The following ZDHHC4 variants were observed in gnomAD, a reference collection of about 807,000 sequenced individuals.
ZDHHC4 encodes the protein palmitoyltransferase ZDHHC4.
In ZDHHC4, 42 loss-of-function variants were observed where a neutral mutation model predicts 36.7. That is an observed-to-expected ratio of 1.14 (90% CI 0.89 to 1.48). The LOEUF is 1.48. Ranked by LOEUF, ZDHHC4 falls within the 40% of genes most tolerant of loss-of-function variation. The probability of loss-of-function intolerance (pLI) is 0.00; values close to 1 mark genes in which losing one functional copy is unlikely to be tolerated. For synonymous variants in ZDHHC4, 189 were observed against 166.6 expected (o/e 1.13, Z -1.03); for missense variants, 457 against 421.5 (o/e 1.08, Z -0.74).
At chr7:6,580,709 T>G (rs988385773) in intron 3 of ZDHHC4, 31 bp downstream of exon 3, 2 of 1,594,642 alleles carry the variant, frequency 1.3e-6, no homozygotes, top group Non-Finnish European at 1.7e-6. Context: ...GCACTGGAAT[T>G]TGAATACTGT....
rs61178963 is a variant in ZDHHC4, at chr7:6,582,019, A to G, written c.192-54A>G. 3,025 of 1,563,576 alleles carry G rather than the reference A, an allele frequency of 1.9e-3. 55 individuals are homozygous for G. In the African/African-American group the frequency reaches 0.036, roughly 19 times the overall value. On this transcript the variant is annotated intron_variant, in intron 4 of 7. Transcript: ENST00000335965. ...CGTTGGTTACTTTCTTTAGTATCAT[A>G]CAATTTCTTCAAGAAGAAACCCCCA... is the stretch of plus-strand genomic sequence containing the variant.
intron 2 of ZDHHC4, among the ~76,000 whole-genome samples, chr7:6,580,005 C>T (rs1348040417): frequency 1.3e-5 from 2 of 151,978 alleles, no homozygotes; most frequent in Non-Finnish European, 2.9e-5. Flanking sequence ...GCATGGGGTG[C>T]GTGCCTATAA....
intron 2 of ZDHHC4, among the ~76,000 whole-genome samples, chr7:6,579,276 C>T (rs1459859165): frequency 1.3e-5 from 2 of 151,678 alleles, no homozygotes; most frequent in Non-Finnish European, 2.9e-5. Flanking sequence ...TCTCGGCTCA[C>T]TGCAACCTCC....
At chr7:6,582,864 T>C (rs995765590) in intron 5 of ZDHHC4, among the ~76,000 whole-genome samples, 2 of 152,106 alleles carry the variant, frequency 1.3e-5, no homozygotes, top group Non-Finnish European at 2.9e-5. Flanking sequence ...TATATCTCAA[T>C]AAAGCCATTA....
intron 5 of ZDHHC4, among the ~76,000 whole-genome samples, chr7:6,582,592 G>A (rs190079644): frequency 8.5e-5 from 13 of 152,168 alleles, no homozygotes; most frequent in Admixed American, 2.0e-4. Flanking sequence ...ATCTCAGCTC[G>A]CTGCAACCTC....
Position 6,585,113 on chromosome 7 carries a change from C to T in ZDHHC4, c.594C>T (p.Val198=). 1 of 1,614,190 alleles carries T rather than the reference C, an allele frequency of 6.2e-7. No individual in the cohort carries two copies. Among genetic ancestry groups the T allele is most frequent in the Non-Finnish European group, 8.5e-7 (1 of 1,180,044 alleles). ...ACATCAGGTACTTCCTCATCTACGTCTTGACCTTGACGGCCTCGGCTGCCA... is the reference window on the plus strand; with the variant it reads ...ACATCAGGTACTTCCTCATCTACGTTTTGACCTTGACGGCCTCGGCTGCCA... ...AWNIRYFLIY[V]LTLTASAATV... is the part of the protein sequence containing the mutation. The change falls in exon 7 of 8, where the codon GTC becomes GTT. Residue 198 remains valine (V), a synonymous_variant. Coordinates refer to ENST00000335965, the MANE Select transcript of ZDHHC4 (RefSeq NM_001134389.2).
At chr7:6,585,878 T>C (rs1451166597) in intron 7 of ZDHHC4, among the ~76,000 whole-genome samples, 16 of 151,988 alleles carry the variant, frequency 1.1e-4, no homozygotes. Context: ...GGGCCAGGCA[T>C]GGTGGCTCAC....
At chr7:6,585,942 G>A (rs1004627426) in intron 7 of ZDHHC4, among the ~76,000 whole-genome samples, 3 of 152,286 alleles carry the variant, frequency 2.0e-5, no homozygotes, top group Non-Finnish European at 4.4e-5. Context: ...CCTGAGGTCA[G>A]GAGTTCAAGA....
chr7:6,585,094 G>C lies in ZDHHC4; in HGVS notation c.575G>C (p.Arg192Thr), dbSNP rs141408179. 4.7e-4 allele frequency: 765 copies of C among 1,614,094 alleles called. No homozygotes were observed. Among genetic ancestry groups the C allele is most frequent in the Non-Finnish European group, 6.1e-4 (724 of 1,180,020 alleles). Residue 192 changes from arginine to threonine, a missense_variant, in exon 7 of 8, where the codon AGG becomes ACG. Physicochemically the swap from Arg to Thr is moderately conservative, Grantham distance 71. Transcript: ENST00000335965. ...AACTGCATCGGGGCCTGGAACATCA[G>C]GTACTTCCTCATCTACGTCTTGACC... ...VNNCIGAWNI[R>T]YFLIYVLTLT...
Position 6,582,060 on chromosome 7 carries a change from T to G in ZDHHC4, c.192-13T>G. ...GAAACCCCCATGAACAAGCCATGCC[T>G]GTTTTCTTTCAGAAACCACACCTTC... is the stretch of plus-strand genomic sequence containing the variant. On this transcript the variant is annotated splice_polypyrimidine_tract_variant and intron_variant, in intron 4 of 7. Coordinates refer to ENST00000335965, the MANE Select transcript of ZDHHC4 (RefSeq NM_001134389.2). The G allele has an allele frequency of 6.2e-7, 1 of 1,608,510 alleles. No homozygotes were observed. The highest frequency in any genetic ancestry group is 1.1e-5 in the South Asian group (1 of 90,762).
chr7:6,581,144 G>GT, intron 3 of ZDHHC4: 1 of 191,358 alleles, frequency 5.2e-6, no homozygotes, highest in Non-Finnish European at 9.4e-6. Context: ...GGTGACTCTG[G>GT]GGGCCAGCAG....
chr7:6,581,383 C>T (rs1016882241), intron 3 of ZDHHC4, among the ~76,000 whole-genome samples: 1 of 152,224 alleles, frequency 6.6e-6, no homozygotes, highest in African/African-American at 2.4e-5. Context: ...AAGACACTGA[C>T]AGGTGCCTTC....
At chr7:6,581,994 C>T (rs912528762) in intron 4 of ZDHHC4, 79 bp from the exon 5 acceptor site, 33 of 1,412,126 alleles carry the variant, frequency 2.3e-5, no homozygotes, top group African/African-American at 7.2e-5. Context: ...AGTGGTTGGC[C>T]GTTGGTTACT....
At chr7:6,586,358 T>C (rs970054628) in intron 7 of ZDHHC4, among the ~76,000 whole-genome samples, 5 of 152,234 alleles carry the variant, frequency 3.3e-5, no homozygotes, top group African/African-American at 1.2e-4. Context: ...TCTTTCGGGA[T>C]AGGCCTTTTC....
chr7:6,583,276 G>A (rs149914572), intron 5 of ZDHHC4, 30 bp from the exon 6 acceptor site: 50 of 1,611,676 alleles, frequency 3.1e-5, no homozygotes, highest in Non-Finnish European at 4.0e-5. Context: ...AGTATTGCAC[G>A]AAACTGACAT....
chr7:6,581,976 C>A, intron 4 of ZDHHC4, 97 bp from the exon 5 acceptor site: 1 of 1,241,140 alleles, frequency 8.1e-7, no homozygotes, highest in Non-Finnish European at 1.1e-6. Flanking sequence ...TATCTCAAGC[C>A]CAAAGGAAGT....
intron 5 of ZDHHC4, 173 bp downstream of exon 5, chr7:6,582,424 G>T: frequency 4.7e-6 from 3 of 633,644 alleles, no homozygotes; most frequent in South Asian, 2.5e-5. Context: ...TTCAACCCAT[G>T]GGTTATTTAA....
chr7:6,579,801 T>C (rs1233442323), intron 2 of ZDHHC4, among the ~76,000 whole-genome samples: 1 of 152,316 alleles, frequency 6.6e-6, no homozygotes, highest in Non-Finnish European at 1.5e-5. Flanking sequence ...AAGTTGGAGA[T>C]GCTTCAAAGG....
chr7:6,581,797 C>A, intron 4 of ZDHHC4, 117 bp downstream of exon 4: 2 of 901,740 alleles, frequency 2.2e-6, no homozygotes, highest in South Asian at 1.7e-5. Context: ...GGAAAGAAGG[C>A]CGGAAAGAAT....
Sources: allele counts gnomAD v4.1 joint callset (sites outside exome capture counted in the v4.1 genomes callset), GRCh38; gene constraint gnomAD v4.1.1; transcripts MANE v1.5; gene names NCBI Gene and HGNC (gene_info 2026-07-23, HGNC 2026-07-21).